The following CREM variants were observed in gnomAD, a reference collection of about 807,000 sequenced individuals.
CREM encodes the protein cAMP responsive element modulator, also known as cAMP-responsive element modulator.
In CREM, 13 loss-of-function variants were observed where a neutral mutation model predicts 37.3. That is an observed-to-expected ratio of 0.35 (90% CI 0.23 to 0.55). CREM has a LOEUF of 0.55. CREM is among the 20% of genes least tolerant of loss of function. The pLI is 0.88. For synonymous variants in CREM, 124 were observed against 120.2 expected, an observed-to-expected ratio of 1.03 and a Z score of -0.21; for missense variants, 296 against 362.3, an observed-to-expected ratio of 0.82 and a Z score of 1.49.
In CREM at chr10:35,177,222, A is replaced by G. The variant is rs573907042; in HGVS notation, c.169-1667A>G. 5.3e-5 allele frequency among the ~76,000 whole-genome samples: 8 copies of G among 152,108 alleles called. No homozygotes were observed. The East Asian group carries it at 1.4e-3, about 26-fold the overall frequency. On this transcript the variant is annotated intron_variant, in intron 3 of 7. Coordinates refer to ENST00000685392, the MANE Select transcript of CREM (RefSeq NM_183011.2). Reference sequence around the variant, plus strand: ...CAAATTCACATACATTAAAAGCTTGATTATCTTTGTGGCATGGGTATTTTC... The same window carrying G: ...CAAATTCACATACATTAAAAGCTTGGTTATCTTTGTGGCATGGGTATTTTC...
At chr10:35,196,206 T>A (rs2095160575) in intron 6 of CREM, 4 of 1,146,242 alleles carry the variant, frequency 3.5e-6, no homozygotes, top group Non-Finnish European at 5.1e-6. Context: ...ATCCTCTTAC[T>A]CCATCTATAG....
At chr10:35,187,096 A>T (rs1259198967) in intron 5 of CREM, among the ~76,000 whole-genome samples, 8 of 50,540 alleles carry the variant, frequency 1.6e-4, no homozygotes, top group Non-Finnish European at 2.6e-4. Context: ...TATATAATAT[A>T]TATGATATAT....
chr10:35,178,522 C>G (rs1422341507), intron 3 of CREM, among the ~76,000 whole-genome samples: 3 of 152,232 alleles, frequency 2.0e-5, no homozygotes, highest in African/African-American at 7.2e-5. Context: ...TGGCCCCTCG[C>G]TGGCTCCCTC....
At chr10:35,174,843 G>A (rs1261782481) in intron 3 of CREM, among the ~76,000 whole-genome samples, 2 of 152,174 alleles carry the variant, frequency 1.3e-5, no homozygotes, top group Non-Finnish European at 2.9e-5. Flanking sequence ...TCTGTTGAAG[G>A]AACTCAGGGA....
At chr10:35,207,546 C>A (rs7917619) in intron 7 of CREM, among the ~76,000 whole-genome samples, 1,897 of 152,186 alleles carry the variant, frequency 0.012, 44 homozygotes, top group African/African-American at 0.043. Context: ...GAGGTCAAGG[C>A]GGGCAGATCA....
At chr10:35,179,050 C>T (rs1225931798) in intron 4 of CREM, 64 bp downstream of exon 4, 5 of 1,533,366 alleles carry the variant, frequency 3.3e-6, no homozygotes, top group Non-Finnish European at 4.4e-6. Context: ...AATTATACAT[C>T]AAATCAATTC....
At chr10:35,208,917 T>C (rs2095601693) in intron 7 of CREM, among the ~76,000 whole-genome samples, 1 of 152,254 alleles carries the variant, frequency 6.6e-6, no homozygotes, top group Admixed American at 6.5e-5. Context: ...TTGCTCATTA[T>C]CTGTTTAGCA....
intron 5 of CREM, among the ~76,000 whole-genome samples, chr10:35,186,192 G>A (rs1231495595): frequency 6.6e-6 from 1 of 152,090 alleles, no homozygotes; most frequent in Admixed American, 6.6e-5. Flanking sequence ...ATAGCCTCTG[G>A]TACCATTTAA....
chr10:35,148,454 C>T lies in CREM; in HGVS notation c.131C>T (p.Thr44Ile). The T allele has an allele frequency of 5.6e-6, 9 of 1,613,440 alleles. No individual in the cohort carries two copies. The highest frequency in any genetic ancestry group is 1.7e-4 in the Middle Eastern group (1 of 6,058). The change falls in exon 3 of 8, where the codon ACT becomes ATT. Residue 44 changes from threonine (T) to isoleucine (I), a missense_variant. By Grantham distance (89) the Thr-to-Ile change is moderately conservative. Around this residue, in one of 2 missense-constraint regions of CREM, gnomAD observed 257 missense variants for 280.2 expected, o/e 0.92. Coordinates refer to ENST00000685392, the MANE Select transcript of CREM (RefSeq NM_183011.2). Reference sequence around the variant, plus strand: ...GAGAGCAAGTCTGCTCATGTGCAGACTCAGACTGGCCAAAATTCAATCCCT... The same window carrying T: ...GAGAGCAAGTCTGCTCATGTGCAGATTCAGACTGGCCAAAATTCAATCCCT... ...LTESKSAHVQTQTGQNSIPAL... is the reference protein window; with the variant it reads ...LTESKSAHVQIQTGQNSIPAL...
At chr10:35,175,661 C>A in intron 3 of CREM, 2 of 1,613,556 alleles carry the variant, frequency 1.2e-6, no homozygotes, top group South Asian at 2.2e-5. Context: ...TAATAAATGT[C>A]ACATCAGAAA....
chr10:35,168,009 A>G (rs554818300), intron 3 of CREM, among the ~76,000 whole-genome samples: 25 of 152,240 alleles, frequency 1.6e-4, no homozygotes, highest in African/African-American at 6.0e-4. Flanking sequence ...ATAGTATTCC[A>G]TGGTGTATAT....
At chr10:35,190,289 T>A (rs1036713166) in intron 6 of CREM, among the ~76,000 whole-genome samples, 2 of 152,250 alleles carry the variant, frequency 1.3e-5, no homozygotes, top group Admixed American at 1.3e-4. Context: ...TTCACATTTA[T>A]GTCTTTAATG....
chr10:35,162,801 G>T (rs1328995971), intron 3 of CREM, among the ~76,000 whole-genome samples: 1 of 152,116 alleles, frequency 6.6e-6, no homozygotes, highest in African/African-American at 2.4e-5. Flanking sequence ...GAAAAAGCAA[G>T]AATTATTTTT....
chr10:35,202,734 T>A (rs1439784069), intron 6 of CREM, among the ~76,000 whole-genome samples: 1 of 152,210 alleles, frequency 6.6e-6, no homozygotes, highest in East Asian at 1.9e-4. Flanking sequence ...ACTAATGCGC[T>A]TGTCATTTTG....
rs1399673927 is a variant in CREM at position 35,147,045 on chromosome 10, T to TTG, written c.45-1322_45-1321insGT. ...TAGTTTCTATAAGTTTTTTGGGTTT[T>TTG]TTTTTTTTTTTTTTTTTTTTTTTAA... On this transcript the variant is annotated intron_variant, in intron 2 of 7. Transcript: ENST00000685392. 8.3e-3 allele frequency among the ~76,000 whole-genome samples: 566 copies of TTG among 68,528 alleles called. 8 individuals are homozygous for TTG. The highest frequency in any genetic ancestry group is 0.022 in the African/African-American group (528 of 24,404). 45.0% of individuals were successfully genotyped at this position (68,528 alleles called of 152,430 possible). A position where few individuals can be genotyped will look rare whatever the true frequency, so the allele number is the denominator to read the frequency against.
chr10:35,208,615 A>G (rs2095593391), intron 7 of CREM, among the ~76,000 whole-genome samples: 1 of 152,188 alleles, frequency 6.6e-6, no homozygotes, highest in African/African-American at 2.4e-5. Context: ...CGGCTGTGTC[A>G]TCTTCAGCAT....
At chr10:35,172,005 G>T (rs974914982) in intron 3 of CREM, among the ~76,000 whole-genome samples, 2 of 152,180 alleles carry the variant, frequency 1.3e-5, no homozygotes, top group African/African-American at 4.8e-5. Flanking sequence ...AGAAGTGGTG[G>T]TGGAGTACTG....
chr10:35,140,489 C>T (rs766190375), intron 2 of CREM, among the ~76,000 whole-genome samples: 1 of 152,018 alleles, frequency 6.6e-6, no homozygotes, highest in Non-Finnish European at 1.5e-5. Context: ...TATAATAACA[C>T]CTGACAGTTG....
intron 1 of CREM, among the ~76,000 whole-genome samples, chr10:35,129,934 C>T (rs968140566): frequency 5.3e-5 from 8 of 151,896 alleles, no homozygotes; most frequent in African/African-American, 1.9e-4. Context: ...TGGTGGCTCA[C>T]GCCTGTAATC....
Sources: gnomAD v4.1 joint callset for allele counts (sites outside exome capture counted in the v4.1 genomes callset) on GRCh38, gnomAD v4.1.1 for gene constraint, gnomAD v4.1.1 regional missense constraint, MANE v1.5 for transcripts, NCBI Gene and HGNC (gene_info 2026-07-23, HGNC 2026-07-21) for gene names.